GPM6A: variants seen among roughly 807,000 people sequenced by gnomAD.
GPM6A encodes neuronal membrane glycoprotein M6-a.
A neutral mutation model predicts 32.1 loss-of-function variants in GPM6A; 7 were observed. The observed-to-expected ratio is 0.22, with a 90% CI of 0.12 to 0.41. The LOEUF (loss-of-function observed/expected upper bound fraction) is 0.41, where lower values mean the gene tolerates loss of function less well. Among genes scored for constraint, GPM6A ranks in the 10% least tolerant of loss-of-function variants. The probability of loss-of-function intolerance (pLI) is 1.00; values close to 1 mark genes in which losing one functional copy is unlikely to be tolerated. For missense variants in GPM6A, 235 were observed against 347.2 expected, an observed-to-expected ratio of 0.68 and a Z score of 2.57; for synonymous variants, 130 against 123.4, an observed-to-expected ratio of 1.05 and a Z score of -0.35.
At chr4:175,907,760 C>T (rs989868011) in intron 1 of GPM6A, among the ~76,000 whole-genome samples, 1 of 152,126 alleles carries the variant, frequency 6.6e-6, no homozygotes, top group South Asian at 2.1e-4. Context: ...ACTTTATATC[C>T]AATCTTTATG....
At chr4:175,691,034 CTGACT>C (rs1220452055) in intron 2 of GPM6A, among the ~76,000 whole-genome samples, 1 of 152,202 alleles carries the variant, frequency 6.6e-6, no homozygotes, top group Non-Finnish European at 1.5e-5. Context: ...AGGTATCTTA[CTGACT>C]TAATTCTCTT....
chr4:175,838,090 AAC>A lies in GPM6A; in HGVS notation c.-22-25843_-22-25842del, dbSNP rs763166079. 2.1e-3 allele frequency among the ~76,000 whole-genome samples: 235 copies of A among 114,552 alleles called. 2 individuals carry two copies. The highest frequency in any genetic ancestry group is 0.01 in the Middle Eastern group (2 of 196). 75.2% of individuals were successfully genotyped at this position (114,552 alleles called of 152,430 possible). On this transcript the variant is annotated intron_variant, in intron 1 of 7. Transcript: ENST00000280187. ...TAGCCGTTCAGTAGGCCTTGGTTAA[AAC>A]ACACACACACACACACACAGACACA... is the stretch of plus-strand genomic sequence containing the variant.
chr4:175,890,487 A>AATTAT (rs1737606423), intron 1 of GPM6A, among the ~76,000 whole-genome samples: 1 of 127,664 alleles, frequency 7.8e-6, no homozygotes, highest in Non-Finnish European at 1.8e-5. Context: ...TGTTTAGAGC[A>AATTAT]ATTTTATTTT....
intron 2 of GPM6A, among the ~76,000 whole-genome samples, chr4:175,692,262 A>G (rs955524852): frequency 6.6e-6 from 1 of 152,180 alleles, no homozygotes; most frequent in Non-Finnish European, 1.5e-5. Flanking sequence ...AATTCCTAGA[A>G]AAAAATTAAT....
chr4:175,888,056 T>C (rs1229657423), intron 1 of GPM6A, among the ~76,000 whole-genome samples: 1 of 151,954 alleles, frequency 6.6e-6, no homozygotes, highest in Non-Finnish European at 1.5e-5. Context: ...AGGTTGATTT[T>C]ATTTACAAAC....
intron 1 of GPM6A, among the ~76,000 whole-genome samples, chr4:175,993,068 A>C (rs2126463855): frequency 6.6e-6 from 1 of 151,936 alleles, no homozygotes; most frequent in South Asian, 2.1e-4. Flanking sequence ...GTTCTTTCCT[A>C]CCCAACAAAA....
intron 4 of GPM6A, among the ~76,000 whole-genome samples, chr4:175,642,872 G>T (rs1201942828): frequency 1.3e-5 from 2 of 151,840 alleles, no homozygotes; most frequent in Non-Finnish European, 2.9e-5. Context: ...CATTCTATTT[G>T]GATTTCTAAT....
At chr4:175,640,891 A>G in intron 4 of GPM6A, 62 bp from the exon 5 acceptor site, 1 of 1,065,202 alleles carries the variant, frequency 9.4e-7, no homozygotes, top group Non-Finnish European at 1.4e-6. Flanking sequence ...AAGAGAGAAA[A>G]AAATGAGTTT....
chr4:175,833,522 T>A (rs1214060930), intron 1 of GPM6A, among the ~76,000 whole-genome samples: 7 of 152,214 alleles, frequency 4.6e-5, no homozygotes, highest in African/African-American at 1.4e-4. Flanking sequence ...AACAGGTAAC[T>A]TCTTTGGAAT....
intron 1 of GPM6A, among the ~76,000 whole-genome samples, chr4:175,809,768 T>G (rs1346775051): frequency 2.0e-5 from 3 of 152,220 alleles, no homozygotes; most frequent in Non-Finnish European, 4.4e-5. Flanking sequence ...ATATATTTCT[T>G]AAGACGGATG....
chr4:175,872,486 T>C (rs1736942718), intron 1 of GPM6A, among the ~76,000 whole-genome samples: 1 of 152,228 alleles, frequency 6.6e-6, no homozygotes, highest in Non-Finnish European at 1.5e-5. Context: ...AATTGAAGTA[T>C]GCATAACTAA....
intron 1 of GPM6A, among the ~76,000 whole-genome samples, chr4:175,774,046 T>G (rs1733295674): frequency 6.6e-6 from 1 of 152,036 alleles, no homozygotes; most frequent in Non-Finnish European, 1.5e-5. Flanking sequence ...CAAGACAGCT[T>G]GAGATTCATC....
At chr4:175,773,490 G>A (rs1733270975) in intron 1 of GPM6A, among the ~76,000 whole-genome samples, 1 of 152,010 alleles carries the variant, frequency 6.6e-6, no homozygotes, top group Non-Finnish European at 1.5e-5. Flanking sequence ...GCTAAAAAAG[G>A]ATGATTCTCA....
intron 1 of GPM6A, among the ~76,000 whole-genome samples, chr4:175,959,924 A>G (rs1406234323): frequency 6.6e-6 from 1 of 152,210 alleles, no homozygotes. Flanking sequence ...ACATTGTTCT[A>G]AGCAATTTAT....
chr4:175,918,041 A>G (rs896445801), intron 1 of GPM6A, among the ~76,000 whole-genome samples: 4 of 152,126 alleles, frequency 2.6e-5, no homozygotes, highest in Non-Finnish European at 1.5e-5. Context: ...GTAAATTACC[A>G]TAATTCTTTT....
intron 1 of GPM6A, among the ~76,000 whole-genome samples, chr4:175,714,256 T>G (rs146019823): frequency 7.6e-4 from 115 of 152,302 alleles, no homozygotes; most frequent in African/African-American, 2.6e-3. Flanking sequence ...AATACAAAGA[T>G]AAGGAATTAC....
At chr4:175,824,513 A>T (rs1053933404) in intron 1 of GPM6A, among the ~76,000 whole-genome samples, 1 of 152,174 alleles carries the variant, frequency 6.6e-6, no homozygotes, top group Non-Finnish European at 1.5e-5. Context: ...TCTGTAGCTC[A>T]TATTTGCCAG....
In GPM6A at chr4:175,768,819, G is replaced by C. The variant is rs1367052546; in HGVS notation, c.37+43372C>G. Among the ~76,000 whole-genome samples the C allele has an allele frequency of 2.0e-5, 3 of 152,132 alleles. 1 individual carries two copies. Among genetic ancestry groups the C allele is most frequent in the South Asian group, 4.2e-4 (2 of 4,818 alleles). ...AGAAAATAAGGTACTATCCTGGCCG[G>C]GTACGGTGGCTCACATCTGTAATCT... is the stretch of plus-strand genomic sequence containing the variant. On this transcript the variant is annotated intron_variant, in intron 1 of 6. Coordinates refer to ENST00000393658, the MANE Select transcript of GPM6A (RefSeq NM_201591.3).
intron 1 of GPM6A, among the ~76,000 whole-genome samples, chr4:175,715,076 T>C (rs1745769712): frequency 6.6e-6 from 1 of 152,048 alleles, no homozygotes; most frequent in African/African-American, 2.4e-5. Context: ...TCAGATAATG[T>C]CTGGAAATCC....
Sources: allele counts gnomAD v4.1 joint callset (sites outside exome capture counted in the v4.1 genomes callset), GRCh38; gene constraint gnomAD v4.1.1; transcripts MANE v1.5; gene names NCBI Gene and HGNC (gene_info 2026-07-23, HGNC 2026-07-21).